PNPLA6: variants seen among roughly 807,000 people sequenced by gnomAD.
PNPLA6 encodes the protein patatin like domain 6, lysophospholipase, also known as patatin-like phospholipase domain-containing protein 6.
PNPLA6 carries 105 observed loss-of-function variants against 153.7 expected under a neutral mutation model. The observed-to-expected ratio is 0.68, with a 90% CI of 0.58 to 0.80. The LOEUF (loss-of-function observed/expected upper bound fraction) is 0.80, where lower values mean the gene tolerates loss of function less well. Among genes scored for constraint, PNPLA6 ranks in the 30% least tolerant of loss-of-function variants. PNPLA6 has a pLI of 0.00. For synonymous variants in PNPLA6, 825 were observed against 822.2 expected (o/e 1.00, Z -0.06); for missense variants, 1,423 against 1,919.3 (o/e 0.74, Z 4.83).
In PNPLA6 at chr19:7,542,756, C is replaced by T. The variant is rs752776773; in HGVS notation, c.1363-5C>T. 4.3e-6 allele frequency: 7 copies of T among 1,612,948 alleles called. No individual in the cohort carries two copies. Among genetic ancestry groups the T allele is most frequent in the Non-Finnish European group, 5.9e-6 (7 of 1,179,908 alleles). ...ATCAGGAGGTCACAAGCCTGCCCCA[C>T]TCAGACCCCCACTCAGGAGCCTCGT... On this transcript the variant is annotated splice_region_variant and splice_polypyrimidine_tract_variant and intron_variant, in intron 11 of 31. Coordinates refer to ENST00000600737, the MANE Select transcript of PNPLA6 (RefSeq NM_001166114.2).
chr19:7,541,106 C>A lies in PNPLA6; in HGVS notation c.924+55C>A. ...CTGAGGGACCCCACCCTGGCCCCCA[C>A]CCATTCCAGGCTCCAAGGGACCGAG... is the stretch of plus-strand genomic sequence containing the variant. On this transcript the variant is annotated intron_variant, in intron 7 of 31. Transcript: ENST00000600737. The surrounding 1 kb of genome is among the most constrained non-coding windows in gnomAD (Gnocchi z 5.2). 1 of 1,574,044 alleles carries A rather than the reference C, an allele frequency of 6.4e-7. No individual in the cohort carries two copies. Among genetic ancestry groups the A allele is most frequent in the Non-Finnish European group, 8.6e-7 (1 of 1,156,966 alleles).
At chr19:7,536,380 C>T in intron 2 of PNPLA6, 69 bp from the exon 3 acceptor site, 1 of 1,392,844 alleles carries the variant, frequency 7.2e-7, no homozygotes, top group Non-Finnish European at 1.0e-6. Flanking sequence ...TGGAGACCCC[C>T]TGGATCCGTC....
upstream of PNPLA6, chr19:7,535,437 G>A (rs943397680): frequency 1.8e-6 from 2 of 1,114,358 alleles, no homozygotes; most frequent in African/African-American, 3.1e-5. The surrounding 1 kb of genome is among the most constrained non-coding windows in gnomAD (Gnocchi z 5.0). Context: ...CTGGGGGCAG[G>A]GCTTGAGGCA....
At chr19:7,545,014 T>C (rs1323984681) in intron 13 of PNPLA6, among the ~76,000 whole-genome samples, 1 of 147,554 alleles carries the variant, frequency 6.8e-6, no homozygotes, top group African/African-American at 2.6e-5. Context: ...TGCTCTCCTG[T>C]GCTTCTCCTT....
At chr19:7,557,689 C>T (rs1476707701) in intron 27 of PNPLA6, among the ~76,000 whole-genome samples, 1 of 148,918 alleles carries the variant, frequency 6.7e-6, no homozygotes, top group South Asian at 2.1e-4. Context: ...GAGGCTGAGG[C>T]AGATAAATCA....
At chr19:7,550,481 G>T (rs1177160229) in intron 15 of PNPLA6, 36 bp from the exon 16 acceptor site, 1 of 1,612,480 alleles carries the variant, frequency 6.2e-7, no homozygotes, top group Non-Finnish European at 8.5e-7. Context: ...GGGACCTGGG[G>T]GTGGTCAGAC....
At position 7,555,785 on chromosome 19, in the gene PNPLA6, T is replaced by G; in HGVS notation, c.3093+22T>G. The G allele has an allele frequency of 1.2e-6, 2 of 1,611,252 alleles. No homozygotes were observed. Among genetic ancestry groups the G allele is most frequent in the African/African-American group, 1.3e-5 (1 of 75,002 alleles). ...CAAGGTGTGTGTTGCGAGGAGGGAT[T>G]GCTGCACCCCAGGAGTGCCATAAAA... On this transcript the variant is annotated intron_variant, in intron 24 of 31. Coordinates refer to ENST00000600737, the MANE Select transcript of PNPLA6 (RefSeq NM_001166114.2). The surrounding 1 kb of genome is among the most constrained non-coding windows in gnomAD (Gnocchi z 6.3).
At position 7,540,757 on chromosome 19, in the gene PNPLA6, A is replaced by T; in HGVS notation, c.795+47A>T. ...CAGGGGGGCTGGGGTGCAAGGTCCC[A>T]CCCAAGGGACTAGGTTGAAGGAAAT... On this transcript the variant is annotated intron_variant, in intron 6 of 31. Coordinates refer to ENST00000600737, the MANE Select transcript of PNPLA6 (RefSeq NM_001166114.2). The surrounding 1 kb of genome is among the most constrained non-coding windows in gnomAD (Gnocchi z 6.8). 1 of 1,544,984 alleles carries T rather than the reference A, an allele frequency of 6.5e-7. No individual in the cohort carries two copies. Among genetic ancestry groups the T allele is most frequent in the Non-Finnish European group, 9.0e-7 (1 of 1,116,894 alleles).
chr19:7,546,426 C>T (rs996815911), intron 13 of PNPLA6, among the ~76,000 whole-genome samples: 4 of 152,110 alleles, frequency 2.6e-5, no homozygotes, highest in African/African-American at 7.2e-5. Context: ...TCCAGGAGTT[C>T]GAGACCAGCC....
In PNPLA6 at chr19:7,539,922, C is replaced by T. The variant is rs965642578; in HGVS notation, c.418C>T (p.Leu140=). 2 of 1,547,298 alleles carry T rather than the reference C, an allele frequency of 1.3e-6. No individual in the cohort carries two copies. The highest frequency in any genetic ancestry group is 1.7e-6 in the Non-Finnish European group (2 of 1,148,666). The change falls in exon 4 of 32, where the codon CTG becomes TTG. Residue 140 remains leucine, a synonymous_variant. Coordinates refer to ENST00000600737, the MANE Select transcript of PNPLA6 (RefSeq NM_001166114.2). The part of the protein sequence containing the change: ...LKMLNIAKKI[L]RIQKETPTLQ... ...GCACCCCTCCCCTCCCACCAGGATC[C>T]TGCGCATCCAGAAAGAGACGCCCAC... is the stretch of plus-strand genomic sequence containing the variant.
intron 13 of PNPLA6, among the ~76,000 whole-genome samples, chr19:7,544,980 G>T (rs889861802): frequency 6.6e-6 from 1 of 151,958 alleles, no homozygotes; most frequent in African/African-American, 2.4e-5. Flanking sequence ...CTCTGCGTTG[G>T]CAGGACTTTT....
intron 16 of PNPLA6, 29 bp downstream of exon 16, chr19:7,550,669 T>A: frequency 6.2e-7 from 1 of 1,608,422 alleles, no homozygotes; most frequent in Non-Finnish European, 8.5e-7. Flanking sequence ...CACTGACCTC[T>A]GGCCTTTTCC....
At chr19:7,537,824 T>C (rs1434094468) in intron 3 of PNPLA6, among the ~76,000 whole-genome samples, 1 of 152,066 alleles carries the variant, frequency 6.6e-6, no homozygotes, top group Non-Finnish European at 1.5e-5. Flanking sequence ...GCATTTTTAG[T>C]AGAGACGGGG....
intron 21 of PNPLA6, 75 bp from the exon 22 acceptor site, chr19:7,554,818 G>A (rs2023799994): frequency 7.0e-6 from 11 of 1,572,342 alleles, no homozygotes; most frequent in South Asian, 1.1e-5. Context: ...CGCCATGGGG[G>A]TAGGCGATCA....
intron 3 of PNPLA6, among the ~76,000 whole-genome samples, chr19:7,539,676 G>T: frequency 6.9e-6 from 1 of 145,870 alleles, no homozygotes; most frequent in East Asian, 2.1e-4. Flanking sequence ...AGAATCGCTT[G>T]AACCCTGGAG....
Position 7,540,720 on chromosome 19 carries a change from C to T in PNPLA6, c.795+10C>T. ...CCTGGATGTCATCACCGTGAGTGAC[C>T]AGTTTCTGAGGCAGGGGGGCTGGGG... On this transcript the variant is annotated intron_variant, in intron 6 of 31. Coordinates refer to ENST00000600737, the MANE Select transcript of PNPLA6 (RefSeq NM_001166114.2). This position sits in a 1 kb window ranked among gnomAD's most constrained non-coding sequence, Gnocchi z 6.8. The T allele has an allele frequency of 6.2e-7, 1 of 1,609,920 alleles. No individual in the cohort carries two copies. Among genetic ancestry groups the T allele is most frequent in the Non-Finnish European group, 8.5e-7 (1 of 1,176,202 alleles).
intron 31 of PNPLA6, 67 bp from the exon 32 acceptor site, chr19:7,561,421 G>A: frequency 6.2e-6 from 9 of 1,450,160 alleles, no homozygotes; most frequent in Non-Finnish European, 8.6e-6. Flanking sequence ...TGTGTGCTGG[G>A]TGCTGGCTGA....
At chr19:7,546,279 G>T (rs1022432325) in intron 13 of PNPLA6, among the ~76,000 whole-genome samples, 2 of 151,994 alleles carry the variant, frequency 1.3e-5, no homozygotes, top group South Asian at 2.1e-4. Context: ...TTTTTGGGGG[G>T]GTGTAATGGT....
chr19:7,551,248 C>T, intron 17 of PNPLA6, 114 bp from the exon 18 acceptor site: 1 of 655,312 alleles, frequency 1.5e-6, no homozygotes, highest in Non-Finnish European at 2.6e-6. Flanking sequence ...CGGGGGCTCT[C>T]GGGGGTGGGA....
Sources: allele counts gnomAD v4.1 joint callset (sites outside exome capture counted in the v4.1 genomes callset), GRCh38; gene constraint gnomAD v4.1.1; non-coding constraint Gnocchi (gnomAD v3.1); transcripts MANE v1.5; gene names NCBI Gene and HGNC (gene_info 2026-07-23, HGNC 2026-07-21).